ATOSA: variants seen among roughly 807,000 people sequenced by gnomAD.
ATOSA encodes atos homolog protein A.
At chr15:52,676,549 T>C in the ATOSA span, among the ~76,000 whole-genome samples, 11,873 of 152,218 alleles carry the variant, frequency 0.078, 746 homozygotes, top group East Asian at 0.27. Flanking sequence ...AAGGTTTATG[T>C]TATTATTATG....
At chr15:52,601,179 G>T in the ATOSA span, 1 of 1,473,318 alleles carries the variant, frequency 6.8e-7, no homozygotes, top group South Asian at 1.3e-5. Context: ...AGGTCAAAAC[G>T]ATCATTTGTG....
At chr15:52,621,759 T>G in the ATOSA span, among the ~76,000 whole-genome samples, 1 of 152,230 alleles carries the variant, frequency 6.6e-6, no homozygotes, top group Non-Finnish European at 1.5e-5. Flanking sequence ...CATGTGGAAC[T>G]GTGAGTCCAT....
chr15:52,626,508 G>A, the ATOSA span, among the ~76,000 whole-genome samples: 1 of 131,612 alleles, frequency 7.6e-6, no homozygotes, highest in Non-Finnish European at 1.6e-5. Context: ...GCTTCTGTGG[G>A]AGAAAAGATA....
At chr15:52,605,181 T>G in the ATOSA span, 17 of 1,611,234 alleles carry the variant, frequency 1.1e-5, no homozygotes, top group Non-Finnish European at 1.4e-5. Flanking sequence ...AGGCTCTGGT[T>G]GAAGTTCCAT....
the ATOSA span, among the ~76,000 whole-genome samples, chr15:52,591,890 A>G: frequency 6.6e-6 from 1 of 152,202 alleles, no homozygotes; most frequent in African/African-American, 2.4e-5. Flanking sequence ...TATGCTGGGC[A>G]TCTTCATGCT....
the ATOSA span, among the ~76,000 whole-genome samples, chr15:52,655,806 A>G: frequency 3.0e-3 from 456 of 152,250 alleles, 3 homozygotes; most frequent in African/African-American, 0.011. Flanking sequence ...AAAGGAGGAA[A>G]GCCACAAATT....
chr15:52,653,878 G>C, the ATOSA span, among the ~76,000 whole-genome samples: 2 of 152,098 alleles, frequency 1.3e-5, no homozygotes, highest in African/African-American at 2.4e-5. Context: ...TACAATATTT[G>C]ATTTGATTTC....
chr15:52,605,215 C>T, the ATOSA span: 71 of 1,610,264 alleles, frequency 4.4e-5, no homozygotes, highest in South Asian at 7.8e-5. Context: ...ATTATGTTTT[C>T]GCCACACATT....
At chr15:52,662,662 CG>C in the ATOSA span, among the ~76,000 whole-genome samples, 3 of 149,990 alleles carry the variant, frequency 2.0e-5, no homozygotes, top group Non-Finnish European at 3.0e-5. Flanking sequence ...CCCAGCTGCT[CG>C]GGAGGCTGAG....
the ATOSA span, chr15:52,598,505 T>C: frequency 1.3e-5 from 2 of 152,344 alleles, no homozygotes; most frequent in Admixed American, 1.3e-4. Context: ...TGTGTCATTT[T>C]AGTGACTCAA....
chr15:52,647,149 A>T, the ATOSA span, among the ~76,000 whole-genome samples: 7 of 152,172 alleles, frequency 4.6e-5, no homozygotes, highest in Admixed American at 3.3e-4. Flanking sequence ...GTATACTTGG[A>T]AAATACTTTT....
the ATOSA span, among the ~76,000 whole-genome samples, chr15:52,671,876 G>C: frequency 6.6e-6 from 1 of 151,488 alleles, no homozygotes; most frequent in African/African-American, 2.4e-5. Context: ...AGTGGGGCTG[G>C]ATATGGTAAA....
chr15:52,697,267 C>G, the ATOSA span, among the ~76,000 whole-genome samples: 1 of 152,208 alleles, frequency 6.6e-6, no homozygotes, highest in Non-Finnish European at 1.5e-5. Context: ...GCTTCATCTT[C>G]AAAGACTTCC....
At chr15:52,638,337 G>T in the ATOSA span, among the ~76,000 whole-genome samples, 1 of 152,100 alleles carries the variant, frequency 6.6e-6, no homozygotes, top group African/African-American at 2.4e-5. Flanking sequence ...TAACATGCCA[G>T]AAAAAATACA....
chr15:52,591,329 C>T, the ATOSA span, among the ~76,000 whole-genome samples: 4 of 152,316 alleles, frequency 2.6e-5, no homozygotes, highest in East Asian at 7.7e-4. Context: ...CTCCCGGGTT[C>T]AAGCGATTCT....
chr15:52,677,266 T>G, the ATOSA span, among the ~76,000 whole-genome samples: 2 of 152,306 alleles, frequency 1.3e-5, no homozygotes, highest in African/African-American at 4.8e-5. Context: ...TTCACAATGT[T>G]CCTTGGAATC....
chr15:52,659,289 T>C, the ATOSA span, among the ~76,000 whole-genome samples: 1 of 152,338 alleles, frequency 6.6e-6, no homozygotes, highest in Admixed American at 6.5e-5. Context: ...GTTATACTTG[T>C]TTCAGTGAAC....
the ATOSA span, among the ~76,000 whole-genome samples, chr15:52,669,571 C>G: frequency 6.6e-6 from 1 of 152,102 alleles, no homozygotes; most frequent in East Asian, 1.9e-4. Context: ...TTACAAATAG[C>G]CTAATTTCAG....
At chr15:52,661,841 GTTAGTATGCCAAC>G in the ATOSA span, among the ~76,000 whole-genome samples, 1 of 135,062 alleles carries the variant, frequency 7.4e-6, no homozygotes, top group African/African-American at 2.7e-5. Flanking sequence ...TTTCTGAATA[GTTAGTATGCCAAC>G]TTAAGAAGGA....
Sources: allele counts gnomAD v4.1 joint callset (sites outside exome capture counted in the v4.1 genomes callset), GRCh38; gene constraint gnomAD v4.1.1; transcripts MANE v1.5; gene names NCBI Gene and HGNC (gene_info 2026-07-23, HGNC 2026-07-21).